The following PPP2R2B variants were observed in gnomAD, a reference collection of about 807,000 sequenced individuals.
PPP2R2B encodes the protein serine/threonine-protein phosphatase 2A 55 kDa regulatory subunit B beta isoform.
PPP2R2B carries 5 observed loss-of-function variants against 46.0 expected under a neutral mutation model. The observed-to-expected ratio is 0.11, with a 90% CI of 0.06 to 0.23. The LOEUF is 0.23. Ranked by LOEUF, PPP2R2B falls within the 10% of genes least tolerant of loss-of-function variation. The probability of loss-of-function intolerance (pLI) is 1.00; values close to 1 mark genes in which losing one functional copy is unlikely to be tolerated. For missense variants in PPP2R2B, 367 were observed against 575.0 expected (o/e 0.64, Z 3.70); for synonymous variants, 215 against 206.7 (o/e 1.04, Z -0.34).
chr5:146,927,319 GTC>G (rs1763814692), intron 1 of PPP2R2B, among the ~76,000 whole-genome samples: 2 of 152,170 alleles, frequency 1.3e-5, no homozygotes, highest in South Asian at 2.1e-4. Flanking sequence ...GTTTTGACTC[GTC>G]TCTCTCTTCT....
chr5:146,833,150 TTCC>T (rs1330817694), intron 2 of PPP2R2B, among the ~76,000 whole-genome samples: 1 of 152,166 alleles, frequency 6.6e-6, no homozygotes, highest in Non-Finnish European at 1.5e-5. Context: ...TTTCTGAAAT[TTCC>T]ACATTAGCTC....
At chr5:147,073,760 GC>G (rs1757674380) in intron 2 of PPP2R2B, among the ~76,000 whole-genome samples, 1 of 152,286 alleles carries the variant, frequency 6.6e-6, no homozygotes, top group South Asian at 2.1e-4. Context: ...TTTGGGATGG[GC>G]GGGGCGTGGT....
At chr5:146,603,471 A>G (rs1016771183) in intron 7 of PPP2R2B, among the ~76,000 whole-genome samples, 1 of 152,204 alleles carries the variant, frequency 6.6e-6, no homozygotes, top group Non-Finnish European at 1.5e-5. Flanking sequence ...TGACACCTTC[A>G]CAAGATGGAT....
At chr5:146,789,787 T>C (rs1225555314) in intron 2 of PPP2R2B, among the ~76,000 whole-genome samples, 1 of 152,178 alleles carries the variant, frequency 6.6e-6, no homozygotes, top group Non-Finnish European at 1.5e-5. Flanking sequence ...GAGTGACAAC[T>C]GAGCCTAAAT....
At chr5:146,869,012 T>C (rs1761467799) in intron 2 of PPP2R2B, among the ~76,000 whole-genome samples, 1 of 152,340 alleles carries the variant, frequency 6.6e-6, no homozygotes, top group Non-Finnish European at 1.5e-5. Flanking sequence ...AAAAATACTT[T>C]AAGGCTCTAA....
intron 2 of PPP2R2B, among the ~76,000 whole-genome samples, chr5:146,860,469 T>C (rs1415107073): frequency 6.6e-6 from 1 of 152,144 alleles, no homozygotes; most frequent in Non-Finnish European, 1.5e-5. Flanking sequence ...AGCAAGATCA[T>C]CTTATGAGTG....
intron 1 of PPP2R2B, among the ~76,000 whole-genome samples, chr5:146,994,016 T>G (rs1379729420): frequency 2.0e-5 from 3 of 152,114 alleles, no homozygotes; most frequent in African/African-American, 7.2e-5. Flanking sequence ...TGGACTCACT[T>G]CAGGAATAGC....
chr5:146,877,945 A>G (rs529491100), intron 2 of PPP2R2B, 57 bp downstream of exon 2: 8 of 1,570,388 alleles, frequency 5.1e-6, no homozygotes, highest in East Asian at 2.2e-5. Context: ...CAGGAAGCAC[A>G]GTGATCCGCA....
intron 2 of PPP2R2B, among the ~76,000 whole-genome samples, chr5:146,834,576 A>G (rs1201135268): frequency 6.6e-6 from 1 of 152,206 alleles, no homozygotes; most frequent in Non-Finnish European, 1.5e-5. Context: ...CATTTCCCAT[A>G]TGAAAAGTCA....
intron 2 of PPP2R2B, among the ~76,000 whole-genome samples, chr5:146,711,115 T>C (rs1021885559): frequency 2.6e-5 from 4 of 152,248 alleles, no homozygotes; most frequent in Non-Finnish European, 5.9e-5. Context: ...ACAATGATAT[T>C]AGAATCATTT....
chr5:146,968,567 A>G (rs749913114), intron 1 of PPP2R2B, among the ~76,000 whole-genome samples: 1 of 152,206 alleles, frequency 6.6e-6, no homozygotes, highest in Non-Finnish European at 1.5e-5. Flanking sequence ...GACCTGAGCT[A>G]CTTCTTTGCT....
At chr5:146,821,191 G>A (rs905414731) in intron 2 of PPP2R2B, among the ~76,000 whole-genome samples, 4 of 151,660 alleles carry the variant, frequency 2.6e-5, no homozygotes, top group Admixed American at 6.6e-5. Flanking sequence ...CAGACAACAC[G>A]TGCACATGCA....
chr5:146,927,105 T>A (rs1178676017), intron 1 of PPP2R2B, among the ~76,000 whole-genome samples: 1 of 152,138 alleles, frequency 6.6e-6, no homozygotes, highest in Non-Finnish European at 1.5e-5. Flanking sequence ...GGTCAGAACA[T>A]CTCAGATTCC....
chr5:146,598,264 G>A (rs955306527), intron 8 of PPP2R2B, among the ~76,000 whole-genome samples: 2 of 152,214 alleles, frequency 1.3e-5, no homozygotes, highest in East Asian at 3.8e-4. Flanking sequence ...GCATTTGGCA[G>A]TTGATGACTT....
chr5:146,628,235 G>A (rs541538380), intron 7 of PPP2R2B, among the ~76,000 whole-genome samples: 8 of 152,220 alleles, frequency 5.3e-5, no homozygotes, highest in Non-Finnish European at 8.8e-5. Flanking sequence ...GTAAGCCACT[G>A]CACCTGGCCT....
rs963382448 is a variant in PPP2R2B, at chr5:146,584,692, T to C, written c.*5255A>G. ...TACTCAGGAAATATTGGTTTCCTTT[T>C]ATTCTTTCCGTCTACTTTACACTTA... On this transcript the variant is annotated 3_prime_UTR_variant, in exon 10 of 10. Transcript: ENST00000394411. 1 of 152,260 alleles carries C rather than the reference T, an allele frequency of 6.6e-6. No homozygotes were observed. Among genetic ancestry groups the C allele is most frequent in the Non-Finnish European group, 1.5e-5 (1 of 68,038 alleles). The allele number at this position is 152,260 out of a possible 1,614,324, so 9.4% of individuals were successfully genotyped here.
In PPP2R2B at chr5:146,586,688, T is replaced by TAA. The variant is rs775679834; in HGVS notation, c.*3257_*3258dup. ...CTAATAGAAGTTGATTTGGTTGAAT[T>TAA]AATTACAAGATCAATGAGAGGTTTA... On this transcript the variant is annotated 3_prime_UTR_variant, in exon 10 of 10. Transcript: ENST00000394411. 2.6e-5 allele frequency: 4 copies of TAA among 152,288 alleles called. No individual in the cohort carries two copies. In the East Asian group the frequency reaches 7.7e-4, roughly 29 times the overall value. 9.4% of individuals were successfully genotyped at this position (152,288 alleles called of 1,614,324 possible).
chr5:146,966,593 C>T lies in PPP2R2B; in HGVS notation c.79+89072G>A, dbSNP rs552437383. 2.6e-5 allele frequency among the ~76,000 whole-genome samples: 4 copies of T among 152,288 alleles called. 1 individual carries two copies. The South Asian group carries it at 8.3e-4, about 32-fold the overall frequency. Reference sequence around the variant, plus strand: ...AGCATATCGTTGTCTGAAAACATTACTTTCTTTCTGTTTCCCATCCCCTTC... The same window carrying T: ...AGCATATCGTTGTCTGAAAACATTATTTTCTTTCTGTTTCCCATCCCCTTC... On this transcript the variant is annotated intron_variant, in intron 1 of 8. Transcript: ENST00000336640.
At chr5:146,745,171 A>T (rs1331342823) in intron 2 of PPP2R2B, among the ~76,000 whole-genome samples, 3 of 94,390 alleles carry the variant, frequency 3.2e-5, no homozygotes, top group Middle Eastern at 5.7e-3. Flanking sequence ...AGAGAGAGAG[A>T]GAGAGAGAGA....
Sources: allele counts gnomAD v4.1 joint callset (sites outside exome capture counted in the v4.1 genomes callset), GRCh38; gene constraint gnomAD v4.1.1; transcripts MANE v1.5; gene names NCBI Gene and HGNC (gene_info 2026-07-23, HGNC 2026-07-21).